The following DOK6 variants were observed in gnomAD, a reference collection of about 807,000 sequenced individuals.
DOK6 encodes downstream of tyrosine kinase 6.
A neutral mutation model predicts 44.0 loss-of-function variants in DOK6; 22 were observed. That is an observed-to-expected ratio of 0.50 (90% confidence interval 0.36 to 0.71). The LOEUF is 0.71. DOK6 is among the 30% of genes least tolerant of loss of function. DOK6 has a pLI of 0.00. For synonymous variants in DOK6, 166 were observed against 145.5 expected (o/e 1.14, Z -1.01); for missense variants, 340 against 416.4 (o/e 0.82, Z 1.60).
intron 1 of DOK6, among the ~76,000 whole-genome samples, chr18:69,458,852 G>A (rs1330957817): frequency 1.3e-5 from 2 of 152,158 alleles, no homozygotes; most frequent in Non-Finnish European, 2.9e-5. Context: ...AGCATTTTGG[G>A]CAGCCAGGGC....
At chr18:69,618,226 C>G (rs1049456071) in intron 3 of DOK6, among the ~76,000 whole-genome samples, 6 of 152,168 alleles carry the variant, frequency 3.9e-5, no homozygotes, top group Non-Finnish European at 8.8e-5. Context: ...CTGCTTTAAA[C>G]CACGCAGTTT....
chr18:69,823,792 T>C (rs979880904), intron 7 of DOK6, among the ~76,000 whole-genome samples: 3 of 152,106 alleles, frequency 2.0e-5, no homozygotes, highest in Non-Finnish European at 4.4e-5. Flanking sequence ...GCTTCTCTCA[T>C]CTCTATCAAG....
intron 1 of DOK6, among the ~76,000 whole-genome samples, chr18:69,532,267 C>T (rs968527282): frequency 6.6e-6 from 1 of 152,196 alleles, no homozygotes; most frequent in African/African-American, 2.4e-5. Flanking sequence ...GTTTTACTGT[C>T]AGTGTTCTGA....
At chr18:69,412,833 G>T (rs1007471385) in intron 1 of DOK6, among the ~76,000 whole-genome samples, 1 of 152,082 alleles carries the variant, frequency 6.6e-6, no homozygotes, top group Non-Finnish European at 1.5e-5. Context: ...CTCCCTTGCA[G>T]CTAGAGCACA....
At chr18:69,763,743 G>A (rs1287691762) in intron 7 of DOK6, among the ~76,000 whole-genome samples, 1 of 152,176 alleles carries the variant, frequency 6.6e-6, no homozygotes, top group East Asian at 1.9e-4. Flanking sequence ...TTAGATGACA[G>A]GCTATACAGC....
At chr18:69,538,080 T>C (rs964725412) in intron 1 of DOK6, among the ~76,000 whole-genome samples, 3 of 152,218 alleles carry the variant, frequency 2.0e-5, no homozygotes, top group Non-Finnish European at 2.9e-5. Flanking sequence ...AGGGCTATCA[T>C]TATTTTATTG....
chr18:69,598,704 A>G (rs1983803935), intron 2 of DOK6, among the ~76,000 whole-genome samples: 1 of 152,062 alleles, frequency 6.6e-6, no homozygotes, highest in South Asian at 2.1e-4. Flanking sequence ...AAGATGCACA[A>G]ATTGTAGCAG....
At chr18:69,617,340 G>GAAAGAAAA (rs1363068352) in intron 3 of DOK6, among the ~76,000 whole-genome samples, 107 of 147,356 alleles carry the variant, frequency 7.3e-4, no homozygotes, top group Middle Eastern at 6.9e-3. Context: ...AAGAAAGAAA[G>GAAAGAAAA]AAAGAAAGAG....
intron 1 of DOK6, among the ~76,000 whole-genome samples, chr18:69,445,490 T>C (rs78666244): frequency 3.3e-5 from 5 of 152,334 alleles, no homozygotes; most frequent in Non-Finnish European, 7.4e-5. Context: ...TAAGTGTTCT[T>C]ATCATGAAAC....
intron 3 of DOK6, among the ~76,000 whole-genome samples, chr18:69,610,486 A>T (rs1215418078): frequency 1.3e-5 from 2 of 152,256 alleles, no homozygotes; most frequent in Non-Finnish European, 2.9e-5. Flanking sequence ...TTTATGGTGT[A>T]TCCTTATTCC....
At chr18:69,702,660 A>G (rs1231162811) in intron 5 of DOK6, among the ~76,000 whole-genome samples, 1 of 152,238 alleles carries the variant, frequency 6.6e-6, no homozygotes, top group Non-Finnish European at 1.5e-5. Context: ...CATTGTTTGA[A>G]TAAAGCCAGC....
Position 69,843,193 on chromosome 18 carries a change from T to C in DOK6, c.*1810T>C, listed in dbSNP as rs972337079. On this transcript the variant is annotated 3_prime_UTR_variant, in exon 8 of 8. Coordinates refer to ENST00000382713, the MANE Select transcript of DOK6 (RefSeq NM_152721.6). ...CTGCAAAAAATAATTATCCTAAGCT[T>C]TCAGGGATAAAAAGAAAATTACCCA... is the stretch of plus-strand genomic sequence containing the variant. The C allele has an allele frequency of 4.6e-5, 7 of 152,292 alleles. No homozygotes were observed. The highest frequency in any genetic ancestry group is 1.7e-4 in the African/African-American group (7 of 41,562). The allele number at this position is 152,292 out of a possible 1,614,324, so 9.4% of individuals were successfully genotyped here. A position where few individuals can be genotyped will look rare whatever the true frequency, so the allele number is the denominator to read the frequency against.
intron 7 of DOK6, among the ~76,000 whole-genome samples, chr18:69,812,151 T>C (rs921768261): frequency 3.9e-5 from 6 of 152,108 alleles, no homozygotes; most frequent in Non-Finnish European, 8.8e-5. Flanking sequence ...AAGGGAAAAT[T>C]AACCACAGAG....
chr18:69,425,023 T>C (rs1978598705), intron 1 of DOK6, among the ~76,000 whole-genome samples: 1 of 152,094 alleles, frequency 6.6e-6, no homozygotes, highest in Non-Finnish European at 1.5e-5. Flanking sequence ...TCAAATTAGT[T>C]AGGTCAGAGT....
intron 1 of DOK6, among the ~76,000 whole-genome samples, chr18:69,478,510 G>A (rs8089844): frequency 0.45 from 68,210 of 151,604 alleles, 15,944 homozygotes; most frequent in Middle Eastern, 0.55. Context: ...GGAAAAAATA[G>A]TTAATGTTCT....
intron 1 of DOK6, among the ~76,000 whole-genome samples, chr18:69,535,967 C>T (rs1200269855): frequency 2.0e-5 from 3 of 151,990 alleles, no homozygotes; most frequent in Non-Finnish European, 4.4e-5. Flanking sequence ...TTATGAAATC[C>T]AGAATTCTGC....
chr18:69,659,710 G>C (rs1438376266), intron 3 of DOK6: 1 of 151,818 alleles, frequency 6.6e-6, no homozygotes, highest in African/African-American at 2.4e-5. Context: ...GACTGTGCCT[G>C]TAATTATTTG....
At chr18:69,408,396 C>A (rs1366439082) in intron 1 of DOK6, among the ~76,000 whole-genome samples, 1 of 150,464 alleles carries the variant, frequency 6.6e-6, no homozygotes, top group East Asian at 2.0e-4. Context: ...GACACAATTT[C>A]ATTTTCATTG....
intron 1 of DOK6, among the ~76,000 whole-genome samples, chr18:69,437,280 A>G (rs1979006299): frequency 3.3e-5 from 5 of 152,142 alleles, no homozygotes; most frequent in Admixed American, 3.3e-4. Context: ...TAGGATATTT[A>G]TGGTTTTAGG....
Sources: allele counts gnomAD v4.1 joint callset (sites outside exome capture counted in the v4.1 genomes callset), GRCh38; gene constraint gnomAD v4.1.1; transcripts MANE v1.5; gene names NCBI Gene and HGNC (gene_info 2026-07-23, HGNC 2026-07-21).